GRIPAP1: variants seen among roughly 807,000 people sequenced by gnomAD.
GRIPAP1 encodes GRIP1 associated protein 1.
Under a neutral mutation model 84.1 loss-of-function variants are expected in GRIPAP1, and 14 were observed. The ratio of observed to expected loss-of-function variants is 0.17; its 90% confidence interval spans 0.11 to 0.26. The LOEUF (loss-of-function observed/expected upper bound fraction) is 0.26. Among genes scored for constraint, GRIPAP1 ranks in the 10% least tolerant of loss-of-function variants. The probability of loss-of-function intolerance (pLI) is 1.00; values close to 1 mark genes in which losing one functional copy is unlikely to be tolerated. For missense variants in GRIPAP1, 518 were observed against 674.2 expected (o/e 0.77, Z 2.57); for synonymous variants, 261 against 256.8 (o/e 1.02, Z -0.15).
Position 48,994,287 on chromosome X carries a change from G to A in GRIPAP1, c.307-709C>T, listed in dbSNP as rs782430362. ...CACCCAGCCTGGAGTACAGTGGCAC[G>A]ATTTCAGCCCACTGCAACCTCCGCC... On this transcript the variant is annotated intron_variant, in intron 5 of 25. Transcript: ENST00000376423. 3.0e-5 allele frequency among the ~76,000 whole-genome samples: 3 copies of A among 99,967 alleles called. No homozygotes were observed. The South Asian group carries it at 1.4e-3, about 46-fold the overall frequency. 86.8% of individuals were successfully genotyped at this position (99,967 alleles called of 115,157 possible). A position where few individuals can be genotyped will look rare whatever the true frequency, so the allele number is the denominator to read the frequency against.
chrX:48,995,757 G>C (rs1557066616), intron 5 of GRIPAP1, among the ~76,000 whole-genome samples: 1 of 110,079 alleles, frequency 9.1e-6, no homozygotes, highest in African/African-American at 3.3e-5. Flanking sequence ...CACCACACCC[G>C]GCTAATTTTT....
chrX:48,981,385 G>T (rs781818126), intron 20 of GRIPAP1, 31 bp downstream of exon 20: 2 of 1,202,531 alleles, frequency 1.7e-6, no homozygotes, highest in Admixed American at 4.4e-5. Context: ...CAGGTAGGAG[G>T]GAGCCGTGCT....
intron 9 of GRIPAP1, 38 bp from the exon 10 acceptor site, chrX:48,989,920 G>GTA (rs781829813): frequency 3.4e-4 from 410 of 1,199,158 alleles, no homozygotes; most frequent in Non-Finnish European, 4.5e-4. Flanking sequence ...GGTCAGTTCC[G>GTA]TAAGTTAATT....
chrX:48,991,667 G>A lies in GRIPAP1; in HGVS notation c.458-557C>T, dbSNP rs782142971. 2.1e-4 allele frequency among the ~76,000 whole-genome samples: 24 copies of A among 112,193 alleles called. No individual in the cohort carries two copies. The East Asian group carries it at 6.6e-3, about 31-fold the overall frequency. On this transcript the variant is annotated intron_variant, in intron 6 of 25. Coordinates refer to ENST00000376423, the MANE Select transcript of GRIPAP1 (RefSeq NM_020137.5). ...AGCCTGACCAATATGGTGAAACCCC[G>A]TCTCTACTAAAAATACAAAAATTAG... is the stretch of plus-strand genomic sequence containing the variant.
chrX:49,002,053 G>C (rs1740096010), intron 1 of GRIPAP1, 135 bp downstream of exon 1: 1 of 419,050 alleles, frequency 2.4e-6, no homozygotes, highest in African/African-American at 2.5e-5. Context: ...CCGAGCCTCA[G>C]TTTCCCTTCT....
intron 25 of GRIPAP1, 84 bp from the exon 26 acceptor site, chrX:48,974,369 C>T: frequency 1.7e-6 from 1 of 577,093 alleles, no homozygotes; most frequent in Non-Finnish European, 2.9e-6. Flanking sequence ...TGTGATTTCC[C>T]TCACACCCTT....
chrX:48,979,385 G>GAGAATGGT (rs1557061388), intron 21 of GRIPAP1, among the ~76,000 whole-genome samples: 1 of 95,791 alleles, frequency 1.0e-5, no homozygotes, highest in Non-Finnish European at 2.1e-5. Context: ...GCTGAGGCAG[G>GAGAATGGT]AGAATGGTGT....
At chrX:49,001,356 A>AG (rs1327837048) in intron 1 of GRIPAP1, among the ~76,000 whole-genome samples, 1 of 65,049 alleles carries the variant, frequency 1.5e-5, no homozygotes, top group African/African-American at 5.6e-5. Flanking sequence ...CCCTGTTCAG[A>AG]CCCCCCCCCC....
chrX:48,999,575 G>C, intron 1 of GRIPAP1, 71 bp from the exon 2 acceptor site: 1 of 733,294 alleles, frequency 1.4e-6, no homozygotes, highest in Non-Finnish European at 2.1e-6. Flanking sequence ...AGGGAACCAA[G>C]CCCCTAAGCT....
At chrX:48,994,815 C>G (rs1557066423) in intron 5 of GRIPAP1, among the ~76,000 whole-genome samples, 1 of 111,997 alleles carries the variant, frequency 8.9e-6, no homozygotes, top group Non-Finnish European at 1.9e-5. Context: ...CCCTGGAACT[C>G]AGTTTTCCTC....
chrX:48,989,149 C>T (rs1304414932), intron 11 of GRIPAP1, among the ~76,000 whole-genome samples: 1 of 111,537 alleles, frequency 9.0e-6, no homozygotes, highest in Non-Finnish European at 1.9e-5. Context: ...ATGCACTCAG[C>T]CTTCAGCCCC....
chrX:48,987,844 C>T lies in GRIPAP1; in HGVS notation c.982G>A (p.Val328Met), dbSNP rs781924704. The change falls in exon 13 of 26, where the codon GTG becomes ATG. Residue 328 changes from valine (V) to methionine (M), a missense_variant. Val to Met is a conservative substitution (Grantham distance 21). Around this residue, in one of 5 missense-constraint regions of GRIPAP1, gnomAD observed 372 missense variants for 458.1 expected, o/e 0.81. Transcript: ENST00000376423. ...SIQSADAQEQ[V>M]EGLLAENNAL... ...TTGTTCTCAGCCAAAAGCCCTTCCACTTGTTCCTGTGCATCTGCACTCTGG... is the reference window on the plus strand; with the variant it reads ...TTGTTCTCAGCCAAAAGCCCTTCCATTTGTTCCTGTGCATCTGCACTCTGG... 2.8e-5 allele frequency: 34 copies of T among 1,201,571 alleles called. No homozygotes were observed. The highest frequency in any genetic ancestry group is 5.4e-5 in the African/African-American group (3 of 55,980).
At chrX:48,983,644 C>A in intron 15 of GRIPAP1, 131 bp downstream of exon 15, 1 of 560,157 alleles carries the variant, frequency 1.8e-6, no homozygotes, top group African/African-American at 2.3e-5. Flanking sequence ...AGAAACTGGT[C>A]AACCAGAAAC....
chrX:48,976,443 G>A, intron 22 of GRIPAP1, 80 bp from the exon 23 acceptor site: 1 of 1,090,804 alleles, frequency 9.2e-7, no homozygotes, highest in Non-Finnish European at 1.2e-6. Flanking sequence ...CTGGGGAGGA[G>A]AACCAGGCCA....
chrX:48,994,310 G>A (rs1231700893), intron 5 of GRIPAP1, among the ~76,000 whole-genome samples: 1 of 97,495 alleles, frequency 1.0e-5, no homozygotes, highest in Non-Finnish European at 2.0e-5. Flanking sequence ...TGCAACCTCC[G>A]CCACCCGGGT....
intron 21 of GRIPAP1, among the ~76,000 whole-genome samples, chrX:48,979,393 T>C (rs868947684): frequency 2.5e-4 from 23 of 90,517 alleles, no homozygotes; most frequent in Middle Eastern, 7.5e-3. Context: ...AGGAGAATGG[T>C]GTGAACCCGG....
At chrX:48,996,651 T>A (rs1455909351) in intron 5 of GRIPAP1, among the ~76,000 whole-genome samples, 1 of 111,533 alleles carries the variant, frequency 9.0e-6, no homozygotes, top group South Asian at 3.7e-4. Context: ...CTCAAAAAAA[T>A]TTGCTGCCAT....
At chrX:48,991,955 C>T (rs1557065656) in intron 6 of GRIPAP1, among the ~76,000 whole-genome samples, 1 of 112,212 alleles carries the variant, frequency 8.9e-6, no homozygotes. Context: ...TCCCAAGTAG[C>T]TGGGACTACA....
intron 6 of GRIPAP1, 176 bp from the exon 7 acceptor site, chrX:48,991,286 CTTT>C: frequency 8.6e-6 from 3 of 349,349 alleles, no homozygotes; most frequent in Non-Finnish European, 1.5e-5. Flanking sequence ...ACATTTTTTT[CTTT>C]TTTTTTTTGA....
Sources: gnomAD v4.1 joint callset for allele counts (sites outside exome capture counted in the v4.1 genomes callset) on GRCh38, gnomAD v4.1.1 for gene constraint, gnomAD v4.1.1 regional missense constraint, MANE v1.5 for transcripts, NCBI Gene and HGNC (gene_info 2026-07-23, HGNC 2026-07-21) for gene names.